Variants in UBR2 observed in about 807,000 individuals in gnomAD.
UBR2 encodes E3 ubiquitin-protein ligase UBR2.
A neutral mutation model predicts 247.9 loss-of-function variants in UBR2; 92 were observed. The observed-to-expected ratio is 0.37, with a 90% CI of 0.31 to 0.44. The LOEUF (loss-of-function observed/expected upper bound fraction) is 0.44. UBR2 is among the 20% of genes least tolerant of loss of function. The pLI is 1.00. For synonymous variants in UBR2, 672 were observed against 693.5 expected, an observed-to-expected ratio of 0.97 and a Z score of 0.49; for missense variants, 1,613 against 2,112.6, an observed-to-expected ratio of 0.76 and a Z score of 4.64.
At chr6:42,684,625 A>G (rs1799265693) in intron 43 of UBR2, among the ~76,000 whole-genome samples, 169 bp from the exon 44 acceptor site, 1 of 151,952 alleles carries the variant, frequency 6.6e-6, no homozygotes, top group Non-Finnish European at 1.5e-5. Flanking sequence ...AACTGTCTAA[A>G]ATAATCCCCC....
At chr6:42,588,681 A>G (rs944563319) in intron 2 of UBR2, among the ~76,000 whole-genome samples, 1 of 152,098 alleles carries the variant, frequency 6.6e-6, no homozygotes, top group Admixed American at 6.6e-5. Flanking sequence ...AACAACAACA[A>G]CAACAAAAAG....
intron 30 of UBR2, 54 bp from the exon 31 acceptor site, chr6:42,662,130 T>C (rs1797849008): frequency 2.6e-6 from 3 of 1,157,854 alleles, no homozygotes; most frequent in East Asian, 2.4e-5. Flanking sequence ...ACATTTGTTA[T>C]AGGAAAATTA....
intron 29 of UBR2, 148 bp downstream of exon 29, chr6:42,658,972 T>G (rs565637227): frequency 1.1e-6 from 1 of 918,226 alleles, no homozygotes; most frequent in Non-Finnish European, 1.5e-6. Flanking sequence ...ATTTAGAAGA[T>G]TTAATCTTAG....
chr6:42,671,185 CAAAAA>C (rs67809948), intron 36 of UBR2, among the ~76,000 whole-genome samples: 3 of 100,912 alleles, frequency 3.0e-5, no homozygotes, highest in Admixed American at 1.0e-4. Context: ...AACTCCATCT[CAAAAA>C]AAAAAAAAAA....
chr6:42,632,069 A>AATATATATAT (rs1554254886), intron 11 of UBR2, among the ~76,000 whole-genome samples: 3 of 114,084 alleles, frequency 2.6e-5, no homozygotes, highest in African/African-American at 1.0e-4. Flanking sequence ...AAAAAAAAAA[A>AATATATATAT]ATATATATAT....
chr6:42,612,023 G>A (rs1794124656), intron 7 of UBR2, 148 bp from the exon 8 acceptor site: 2 of 604,624 alleles, frequency 3.3e-6, no homozygotes, highest in Non-Finnish European at 5.0e-6. Flanking sequence ...AATCAAGTAA[G>A]GCAAGGAGAA....
intron 30 of UBR2, among the ~76,000 whole-genome samples, chr6:42,660,232 G>A (rs1797720707): frequency 6.6e-6 from 1 of 152,164 alleles, no homozygotes; most frequent in African/African-American, 2.4e-5. Flanking sequence ...CCTGAGAACA[G>A]TGATGGAGAG....
At chr6:42,656,416 A>G (rs770336401) in intron 26 of UBR2, among the ~76,000 whole-genome samples, 1 of 152,036 alleles carries the variant, frequency 6.6e-6, no homozygotes, top group Non-Finnish European at 1.5e-5. Context: ...GTGGGAGTTT[A>G]TTTAGTCAGC....
intron 6 of UBR2, 57 bp downstream of exon 6, chr6:42,605,916 A>G: frequency 1.4e-6 from 2 of 1,414,728 alleles, no homozygotes; most frequent in Admixed American, 2.1e-5. Flanking sequence ...GTAAGTTACT[A>G]TAGGTAACTG....
At chr6:42,614,404 G>GTATGTATGTACGTACGTACATATA (rs1303199238) in intron 8 of UBR2, among the ~76,000 whole-genome samples, 5 of 114,684 alleles carry the variant, frequency 4.4e-5, no homozygotes, top group Non-Finnish European at 8.9e-5. Flanking sequence ...ACATACATAC[G>GTATGTATGTACGTACGTACATATA]TATGTATGTA....
chr6:42,602,606 T>TG (rs1793452722), intron 4 of UBR2, among the ~76,000 whole-genome samples: 3 of 150,308 alleles, frequency 2.0e-5, no homozygotes, highest in Admixed American at 6.8e-5. Flanking sequence ...TATATGTGTT[T>TG]TTGTGTGTGT....
Position 42,659,851 on chromosome 6 carries a change from T to C in UBR2, c.3438T>C (p.Asp1146=). The C allele has an allele frequency of 6.2e-7, 1 of 1,613,850 alleles. No homozygotes were observed. The highest frequency in any genetic ancestry group is 8.5e-7 in the Non-Finnish European group (1 of 1,179,910). ...LSKNRSKFIQ[D]PEKYDPLFMH... is the part of the protein sequence containing the mutation. ...AAAACAGAAGTAAATTTATTCAAGA[T>C]CCAGGTAAGTCATAGCTAGATCCTC... The change falls in exon 30 of 47, where the codon GAT becomes GAC. Residue 1146 remains aspartate, a synonymous_variant. Transcript: ENST00000372901. The surrounding 1 kb of genome is among the most constrained non-coding windows in gnomAD (Gnocchi z 4.3).
At chr6:42,581,860 C>T (rs1460476962) in intron 2 of UBR2, among the ~76,000 whole-genome samples, 2 of 152,056 alleles carry the variant, frequency 1.3e-5, no homozygotes, top group South Asian at 2.1e-4. Context: ...CTTCTATGAC[C>T]TTCTCTTTTT....
chr6:42,631,765 AAGAT>A lies in UBR2; in HGVS notation c.1282-781_1282-778del, dbSNP rs573528540. On this transcript the variant is annotated intron_variant, in intron 11 of 46. Transcript: ENST00000372901. Reference sequence around the variant, plus strand: ...ATAATATGCTATCTTTTGTAGGAAAAAGATAGATATACATACTTGTGTATACTTA... The same window carrying A: ...ATAATATGCTATCTTTTGTAGGAAAAAGATATACATACTTGTGTATACTTA... Among the ~76,000 whole-genome samples the A allele has an allele frequency of 2.0e-3, 301 of 150,308 alleles. 1 individual carries two copies. Among genetic ancestry groups the A allele is most frequent in the African/African-American group, 6.8e-3 (278 of 41,066 alleles).
intron 2 of UBR2, among the ~76,000 whole-genome samples, chr6:42,584,681 C>A (rs1160763843): frequency 6.6e-6 from 1 of 152,074 alleles, no homozygotes; most frequent in Non-Finnish European, 1.5e-5. Context: ...TTAAGGCCTT[C>A]TTTAATTCCT....
intron 11 of UBR2, among the ~76,000 whole-genome samples, chr6:42,623,966 G>A (rs1795167014): frequency 6.6e-6 from 1 of 151,694 alleles, no homozygotes; most frequent in Non-Finnish European, 1.5e-5. Flanking sequence ...TTCTATTTGT[G>A]CACCCTTATT....
At chr6:42,632,436 A>G in intron 11 of UBR2, 116 bp from the exon 12 acceptor site, 2 of 847,510 alleles carry the variant, frequency 2.4e-6, no homozygotes, top group Non-Finnish European at 1.7e-6. Flanking sequence ...TATGATATAT[A>G]GTTGTGTTGA....
intron 1 of UBR2, among the ~76,000 whole-genome samples, chr6:42,567,567 A>G (rs1017244546): frequency 5.9e-5 from 9 of 152,264 alleles, no homozygotes; most frequent in Admixed American, 2.0e-4. Flanking sequence ...TGTCTCTACT[A>G]AAAATACAAA....
Position 42,686,656 on chromosome 6 carries a change from G to A in UBR2, c.4854-1560G>A, listed in dbSNP as rs1000734034. Among the ~76,000 whole-genome samples, 146 of 152,288 alleles carry A rather than the reference G, an allele frequency of 9.6e-4. 1 individual carries two copies. The highest frequency in any genetic ancestry group is 4.7e-4 in the Non-Finnish European group (32 of 68,016). On this transcript the variant is annotated intron_variant, in intron 44 of 46. Coordinates refer to ENST00000372901, the MANE Select transcript of UBR2 (RefSeq NM_001363705.2). Reference sequence around the variant, plus strand: ...TCCTCACTTCCCAGACGGGGCAGCCGGGCAGAGGCGCCCCCCACCTCCCGG... The same window carrying A: ...TCCTCACTTCCCAGACGGGGCAGCCAGGCAGAGGCGCCCCCCACCTCCCGG...
Sources: gnomAD v4.1 joint callset for allele counts (sites outside exome capture counted in the v4.1 genomes callset) on GRCh38, gnomAD v4.1.1 for gene constraint, Gnocchi (gnomAD v3.1) non-coding constraint, MANE v1.5 for transcripts, NCBI Gene and HGNC (gene_info 2026-07-23, HGNC 2026-07-21) for gene names.